Variants in PIGN observed in about 807,000 individuals in gnomAD.
PIGN encodes the protein GPI ethanolamine phosphate transferase 1.
PIGN carries 117 observed loss-of-function variants against 125.4 expected under a neutral mutation model. The ratio of observed to expected loss-of-function variants is 0.93; its 90% confidence interval spans 0.80 to 1.09. The LOEUF (loss-of-function observed/expected upper bound fraction) is 1.09, where lower values mean the gene tolerates loss of function less well. Among genes scored for constraint, PIGN ranks in the 50% least tolerant of loss-of-function variants. The probability of loss-of-function intolerance (pLI) is 0.00; values close to 1 mark genes in which losing one functional copy is unlikely to be tolerated. For synonymous variants in PIGN, 392 were observed against 377.8 expected, an observed-to-expected ratio of 1.04 and a Z score of -0.44; for missense variants, 1,075 against 1,094.9, an observed-to-expected ratio of 0.98 and a Z score of 0.26.
In PIGN at chr18:62,113,290, A is replaced by T. The variant is rs1289460027; in HGVS notation, c.1278T>A (p.His426Gln). 2.4e-5 allele frequency: 39 copies of T among 1,611,126 alleles called. No homozygotes were observed. Among genetic ancestry groups the T allele is most frequent in the Non-Finnish European group, 3.1e-5 (36 of 1,178,600 alleles). The change falls in exon 16 of 31, where the codon CAT becomes CAA. Residue 426 changes from histidine (H) to glutamine (Q), a missense_variant. His to Gln is a conservative substitution (Grantham distance 24). Coordinates refer to ENST00000640252, the MANE Select transcript of PIGN (RefSeq NM_176787.5). The stretch of plus-strand genomic sequence containing the variant: ...AATAGGACAATCCTTTCAATGCAAG[A>T]TGAATTAGCTCCTTGCAAAGGGAGA... ...EVVSLCKELI[H>Q]LALKGLSYYH...
chr18:62,127,997 A>T (rs1235394713), intron 14 of PIGN, among the ~76,000 whole-genome samples: 1 of 152,148 alleles, frequency 6.6e-6, no homozygotes, highest in Admixed American at 6.6e-5. Flanking sequence ...ACATACCAAC[A>T]AACTTATGAA....
intron 30 of PIGN, among the ~76,000 whole-genome samples, chr18:62,063,480 AG>A (rs2032321152): frequency 6.7e-6 from 1 of 149,224 alleles, no homozygotes; most frequent in Non-Finnish European, 1.5e-5. Context: ...ATGGTTTTAT[AG>A]ATTTTAGCCA....
chr18:62,071,110 C>A (rs2032820460), intron 30 of PIGN, among the ~76,000 whole-genome samples: 1 of 152,130 alleles, frequency 6.6e-6, no homozygotes. Flanking sequence ...TTCCTGACCT[C>A]AAATTACACT....
intron 1 of PIGN, among the ~76,000 whole-genome samples, chr18:62,184,055 CTA>C (rs775841679): frequency 6.6e-5 from 10 of 152,022 alleles, no homozygotes; most frequent in Non-Finnish European, 1.3e-4. Context: ...AAACACATAA[CTA>C]TTAAAATTTT....
At chr18:62,185,016 G>A (rs2037846535) in intron 1 of PIGN, among the ~76,000 whole-genome samples, 1 of 152,102 alleles carries the variant, frequency 6.6e-6, no homozygotes, top group South Asian at 2.1e-4. Flanking sequence ...GAGTAGAATT[G>A]GGATCTGAAC....
At chr18:62,020,005 T>C (rs114523259) in intron 23 of PIGN, among the ~76,000 whole-genome samples, 2,135 of 152,300 alleles carry the variant, frequency 0.014, 47 homozygotes, top group African/African-American at 0.049. Flanking sequence ...CACGGTCCCA[T>C]TGGGAGAGTG....
At chr18:62,080,205 CA>C (rs2033381547) in intron 28 of PIGN, among the ~76,000 whole-genome samples, 1 of 152,114 alleles carries the variant, frequency 6.6e-6, no homozygotes, top group Non-Finnish European at 1.5e-5. Context: ...AGTATTTAAT[CA>C]AACACAGAAC....
intron 14 of PIGN, among the ~76,000 whole-genome samples, chr18:62,115,411 T>G (rs567138843): frequency 6.6e-6 from 1 of 152,342 alleles, no homozygotes; most frequent in South Asian, 2.1e-4. Context: ...GCTGCTTAAC[T>G]AAAACCTACA....
At position 62,148,346 on chromosome 18, in the gene PIGN, T is replaced by C. The variant is rs1326292784; in HGVS notation, c.550-8A>G. 13 of 1,468,344 alleles carry C rather than the reference T, an allele frequency of 8.9e-6. No individual in the cohort carries two copies. In the South Asian group the frequency reaches 9.5e-5, roughly 11 times the overall value. 91.0% of individuals were successfully genotyped at this position (1,468,344 alleles called of 1,614,324 possible). ...GGCATGATGAAAGAAGTCCTACATA[T>C]AACAAATGAGTTAAAAATATTTAGT... On this transcript the variant is annotated splice_region_variant and splice_polypyrimidine_tract_variant and intron_variant, in intron 7 of 30. Transcript: ENST00000640252.
In PIGN at chr18:62,154,579, G is replaced by C. The variant is rs777926178; in HGVS notation, c.515C>G (p.Thr172Arg). The C allele has an allele frequency of 1.3e-6, 2 of 1,584,932 alleles. No homozygotes were observed. The highest frequency in any genetic ancestry group is 1.3e-5 in the African/African-American group (1 of 74,242). Residue 172 changes from threonine to arginine, a missense_variant, in exon 7 of 31, where the codon ACA (threonine) becomes AGA (arginine). Thr to Arg is a moderately conservative substitution (Grantham distance 71, BLOSUM62 -1). Transcript: ENST00000640252. The part of the protein sequence containing the change: ...KREDFGAQDA[T>R]KLDTWVFDNV... ...ATCAAAAACCCACGTATCCAGTTTTGTTGCATCTTGAGCACCAAAATCCTC... is the reference window on the plus strand; with the variant it reads ...ATCAAAAACCCACGTATCCAGTTTTCTTGCATCTTGAGCACCAAAATCCTC...
Position 62,113,042 on chromosome 18 carries a change from C to G in PIGN, c.1434+92G>C. Reference sequence around the variant, plus strand: ...AAGATAAACAAGAGTTAGCTTAGAACAATGACTTGCACATCCTATAAACTC... The same window carrying G: ...AAGATAAACAAGAGTTAGCTTAGAAGAATGACTTGCACATCCTATAAACTC... On this transcript the variant is annotated intron_variant, in intron 16 of 30. Coordinates refer to ENST00000640252, the MANE Select transcript of PIGN (RefSeq NM_176787.5). The G allele has an allele frequency of 7.7e-6, 7 of 914,158 alleles. 1 individual carries two copies. In the South Asian group the frequency reaches 1.3e-4, roughly 17 times the overall value. The allele number at this position is 914,158 out of a possible 1,614,324, so 56.6% of individuals were successfully genotyped here. A position where few individuals can be genotyped will look rare whatever the true frequency, so the allele number is the denominator to read the frequency against.
Position 62,045,164 on chromosome 18 carries a change from T to C in PIGN, c.*692A>G, listed in dbSNP as rs182606868. 40 of 151,254 alleles carry C rather than the reference T, an allele frequency of 2.6e-4. No homozygotes were observed. The highest frequency in any genetic ancestry group is 8.3e-4 in the African/African-American group (34 of 41,140). The allele number at this position is 151,254 out of a possible 1,614,324, so 9.4% of individuals were successfully genotyped here. A position where few individuals can be genotyped will look rare whatever the true frequency, so the allele number is the denominator to read the frequency against. On this transcript the variant is annotated 3_prime_UTR_variant, in exon 31 of 31. Transcript: ENST00000640252. ...TGTTTTCCTATGTATAAGACAGAAA[T>C]ACCAAGCACTTTCTACTTTTGTGTT...
chr18:62,069,982 G>C (rs1399263218), intron 30 of PIGN: 1 of 154,720 alleles, frequency 6.5e-6, no homozygotes, highest in Non-Finnish European at 1.4e-5. Flanking sequence ...AAATGGTAAA[G>C]AAAGGTATGC....
In PIGN at chr18:62,021,557, C is replaced by T. The variant is rs144841846; in HGVS notation, c.2143-3816G>A. Among the ~76,000 whole-genome samples, 328 of 152,280 alleles carry T rather than the reference C, an allele frequency of 2.2e-3. 2 individuals are homozygous for T. Among genetic ancestry groups the T allele is most frequent in the African/African-American group, 7.6e-3 (316 of 41,554 alleles). On this transcript the variant is annotated intron_variant, in intron 23 of 24. Transcript: ENST00000639600. ...GTGGGGTGCATTGTAGGAGAGGAAA[C>T]CTTGAGATTCAGAAACCCTGACTTT...
rs2146611603 is a variant in PIGN at position 62,114,646 on chromosome 18, A to AT, written c.1173-8dup. On this transcript the variant is annotated splice_polypyrimidine_tract_variant and splice_region_variant and intron_variant, in intron 14 of 30. Transcript: ENST00000640252. ...TTTGGAATCAGAAAGCAGTCTATAT[A>AT]TAAAAAAAAGAATAGGTTTAAAGGG... 3 of 1,399,524 alleles carry AT rather than the reference A, an allele frequency of 2.1e-6. No individual in the cohort carries two copies. The highest frequency in any genetic ancestry group is 2.5e-5 in the East Asian group (1 of 39,906). 86.7% of individuals were successfully genotyped at this position (1,399,524 alleles called of 1,614,324 possible). A position where few individuals can be genotyped will look rare whatever the true frequency, so the allele number is the denominator to read the frequency against.
intron 1 of PIGN, among the ~76,000 whole-genome samples, chr18:62,174,687 C>G (rs1353936779): frequency 6.6e-6 from 1 of 152,076 alleles, no homozygotes; most frequent in Non-Finnish European, 1.5e-5. Flanking sequence ...TTCTCTGATC[C>G]TATTAAATTC....
intron 30 of PIGN, among the ~76,000 whole-genome samples, chr18:62,050,187 C>T (rs2145110214): frequency 6.6e-6 from 1 of 152,158 alleles, no homozygotes; most frequent in East Asian, 1.9e-4. Context: ...ATGCGGGCTC[C>T]TTTTTGGTTC....
intron 14 of PIGN, among the ~76,000 whole-genome samples, chr18:62,129,120 C>T (rs1217119317): frequency 6.6e-6 from 1 of 152,140 alleles, no homozygotes; most frequent in East Asian, 1.9e-4. Context: ...GCTGCTCACA[C>T]CAGCTCCCGA....
chr18:62,080,357 T>C (rs905432319), intron 28 of PIGN, among the ~76,000 whole-genome samples: 1 of 152,208 alleles, frequency 6.6e-6, no homozygotes, highest in African/African-American at 2.4e-5. Flanking sequence ...GTCTTCATGG[T>C]CCATGTCATC....
Sources: allele counts gnomAD v4.1 joint callset (sites outside exome capture counted in the v4.1 genomes callset), GRCh38; gene constraint gnomAD v4.1.1; transcripts MANE v1.5; gene names NCBI Gene and HGNC (gene_info 2026-07-23, HGNC 2026-07-21).